The following MYO16 variants were observed in gnomAD, a reference collection of about 807,000 sequenced individuals.
The protein encoded by MYO16 is myosin XVI.
MYO16 carries 94 observed loss-of-function variants against 205.3 expected under a neutral mutation model. That is an observed-to-expected ratio of 0.46 (90% confidence interval 0.39 to 0.54). MYO16 has a LOEUF of 0.54. MYO16 is among the 20% of genes least tolerant of loss of function. The probability of loss-of-function intolerance (pLI) is 0.00; values close to 1 mark genes in which losing one functional copy is unlikely to be tolerated. For synonymous variants in MYO16, 988 were observed against 954.0 expected (o/e 1.04, Z -0.66); for missense variants, 2,315 against 2,387.5 (o/e 0.97, Z 0.63).
At chr13:108,613,484 A>T (rs916524290) in intron 1 of MYO16, among the ~76,000 whole-genome samples, 7 of 152,128 alleles carry the variant, frequency 4.6e-5, no homozygotes, top group African/African-American at 1.7e-4. Flanking sequence ...GTCATAATAG[A>T]TGAAGAAGGA....
the MYO16 span, among the ~76,000 whole-genome samples, chr13:108,569,536 G>T: frequency 6.6e-6 from 1 of 152,076 alleles, no homozygotes; most frequent in Non-Finnish European, 1.5e-5. Flanking sequence ...AGTTCTGATA[G>T]ATTTATGGTG....
intron 1 of MYO16, among the ~76,000 whole-genome samples, chr13:108,637,476 T>C (rs543366411): frequency 2.3e-4 from 35 of 152,372 alleles, no homozygotes; most frequent in Non-Finnish European, 4.7e-4. Context: ...AGTTTCCTTT[T>C]ATTTTATTCA....
chr13:109,154,216 G>A (rs763096039), intron 32 of MYO16, among the ~76,000 whole-genome samples: 3 of 152,196 alleles, frequency 2.0e-5, no homozygotes, highest in Non-Finnish European at 2.9e-5. Context: ...GTGTCCACAG[G>A]TGCTGCCACA....
intron 9 of MYO16, among the ~76,000 whole-genome samples, chr13:108,832,326 A>G (rs1459532647): frequency 6.6e-6 from 1 of 151,180 alleles, no homozygotes; most frequent in African/African-American, 2.4e-5. Flanking sequence ...TATTTTTAGT[A>G]GAACAGGGTT....
chr13:108,529,321 T>C, the MYO16 span, among the ~76,000 whole-genome samples: 1 of 152,182 alleles, frequency 6.6e-6, no homozygotes, highest in Admixed American at 6.5e-5. Context: ...AGCATGAGCC[T>C]TGAGGAGAGT....
At chr13:108,630,089 G>A (rs1879907655) in intron 1 of MYO16, among the ~76,000 whole-genome samples, 1 of 149,776 alleles carries the variant, frequency 6.7e-6, no homozygotes, top group South Asian at 2.1e-4. Context: ...ATAGCACAGA[G>A]ATCTTTAAAA....
intron 2 of MYO16, among the ~76,000 whole-genome samples, chr13:108,676,654 T>A (rs1052200039): frequency 6.6e-6 from 1 of 152,076 alleles, no homozygotes; most frequent in Non-Finnish European, 1.5e-5. Flanking sequence ...GAGGGCAGCA[T>A]GAGAATATGG....
chr13:108,919,581 G>T (rs914134677), intron 16 of MYO16, among the ~76,000 whole-genome samples: 1 of 152,190 alleles, frequency 6.6e-6, no homozygotes, highest in South Asian at 2.1e-4. Flanking sequence ...ATGTTTGCTT[G>T]ATGCTAGATG....
intron 15 of MYO16, among the ~76,000 whole-genome samples, chr13:108,908,595 T>C (rs879554801): frequency 1.3e-5 from 2 of 152,200 alleles, no homozygotes; most frequent in Non-Finnish European, 2.9e-5. Flanking sequence ...GAACTGCCAT[T>C]CTTTAACACC....
the MYO16 span, among the ~76,000 whole-genome samples, chr13:108,539,115 G>GA: frequency 6.6e-6 from 1 of 152,036 alleles, no homozygotes; most frequent in Non-Finnish European, 1.5e-5. Flanking sequence ...TTATTTATCG[G>GA]AAAAAATTGC....
the MYO16 span, among the ~76,000 whole-genome samples, chr13:108,538,794 A>C: frequency 1.3e-5 from 2 of 152,116 alleles, no homozygotes; most frequent in African/African-American, 2.4e-5. Flanking sequence ...TGGAATGAAC[A>C]AAAAATTCTC....
intron 33 of MYO16, chr13:109,167,287 C>T (rs555159059): frequency 7.2e-5 from 11 of 152,116 alleles, no homozygotes; most frequent in Admixed American, 2.6e-4. Context: ...ACAGGCTGAA[C>T]TAGCACATGG....
intron 28 of MYO16, among the ~76,000 whole-genome samples, chr13:109,119,089 A>C (rs933571317): frequency 6.6e-6 from 1 of 152,222 alleles, no homozygotes; most frequent in Admixed American, 6.5e-5. Flanking sequence ...GGGAAGAGTT[A>C]GGTGGAAAGG....
chr13:108,614,711 A>G (rs997340037), intron 1 of MYO16, among the ~76,000 whole-genome samples: 2 of 152,070 alleles, frequency 1.3e-5, no homozygotes, highest in African/African-American at 2.4e-5. Flanking sequence ...TGCCAAGACT[A>G]TTCTATGGGA....
chr13:108,691,764 T>C (rs1415170517), intron 2 of MYO16, among the ~76,000 whole-genome samples: 1 of 152,246 alleles, frequency 6.6e-6, no homozygotes, highest in Non-Finnish European at 1.5e-5. Context: ...CTCTGATTTC[T>C]AGCTCAACCA....
At chr13:108,527,427 A>G in the MYO16 span, among the ~76,000 whole-genome samples, 3 of 152,170 alleles carry the variant, frequency 2.0e-5, no homozygotes, top group Non-Finnish European at 4.4e-5. Flanking sequence ...AATTCCCCAT[A>G]TCAACAGCCT....
At chr13:108,670,246 A>G (rs184328966) in intron 2 of MYO16, among the ~76,000 whole-genome samples, 2 of 152,286 alleles carry the variant, frequency 1.3e-5, no homozygotes, top group East Asian at 3.9e-4. Flanking sequence ...CACCTCTAGC[A>G]GTCATTCTCA....
intron 32 of MYO16, among the ~76,000 whole-genome samples, chr13:109,153,420 A>AT (rs915182262): frequency 5.7e-5 from 8 of 141,492 alleles, no homozygotes; most frequent in Non-Finnish European, 7.8e-5. Context: ...GAAAGGATAG[A>AT]TTTTTTTCTT....
At position 109,140,838 on chromosome 13, in the gene MYO16, A is replaced by G; in HGVS notation, c.4626A>G (p.Pro1542=). ...CACCCCTGGAGGTGAAGAAGCTGCC[A>G]GTCCTGGAGACCAACCTCAAGTACC... The part of the protein sequence containing the change: ...PLTPLEVKKL[P]VLETNLKYPV... The change falls in exon 32 of 35, where the codon CCA becomes CCG. Residue 1542 remains proline (P), a synonymous_variant. Coordinates refer to ENST00000457511, the MANE Select transcript of MYO16 (RefSeq NM_001198950.3). This position sits in a 1 kb window ranked among gnomAD's most constrained non-coding sequence, Gnocchi z 8.0. 1 of 1,591,144 alleles carries G rather than the reference A, an allele frequency of 6.3e-7. No individual in the cohort carries two copies. The highest frequency in any genetic ancestry group is 8.5e-7 in the Non-Finnish European group (1 of 1,171,760).
Sources: gnomAD v4.1 joint callset for allele counts (sites outside exome capture counted in the v4.1 genomes callset) on GRCh38, gnomAD v4.1.1 for gene constraint, Gnocchi (gnomAD v3.1) non-coding constraint, MANE v1.5 for transcripts, NCBI Gene and HGNC (gene_info 2026-07-23, HGNC 2026-07-21) for gene names.